Variants in AR observed in about 807,000 individuals in gnomAD.
The protein encoded by AR is dihydrotestosterone receptor.
AR carries 8 observed loss-of-function variants against 53.9 expected under a neutral mutation model. That is an observed-to-expected ratio of 0.15 (90% confidence interval 0.09 to 0.27). The LOEUF is 0.27. AR is among the 10% of genes least tolerant of loss of function. The pLI is 1.00. For missense variants in AR, 639 were observed against 742.5 expected, an observed-to-expected ratio of 0.86 and a Z score of 1.62; for synonymous variants, 359 against 316.4, an observed-to-expected ratio of 1.13 and a Z score of -1.43.
chrX:67,721,778 G>A, intron 5 of AR, 55 bp from the exon 6 acceptor site: 1 of 1,203,319 alleles, frequency 8.3e-7, no homozygotes, highest in Non-Finnish European at 1.1e-6. Context: ...CATTCCCTCT[G>A]GGCTTATTGT....
chrX:67,583,264 A>T (rs1922374529), intron 1 of AR, among the ~76,000 whole-genome samples: 1 of 112,174 alleles, frequency 8.9e-6, no homozygotes, highest in African/African-American at 3.2e-5. Flanking sequence ...CAAATGAAGC[A>T]TTTCAATAAA....
At chrX:67,555,597 A>G (rs1350735790) in intron 1 of AR, among the ~76,000 whole-genome samples, 1 of 112,392 alleles carries the variant, frequency 8.9e-6, no homozygotes. Flanking sequence ...CTAAGTTTCC[A>G]TTGATCCTGA....
At chrX:67,560,779 C>T (rs1921264338) in intron 1 of AR, among the ~76,000 whole-genome samples, 2 of 111,364 alleles carry the variant, frequency 1.8e-5, no homozygotes, top group African/African-American at 3.3e-5. Context: ...ATCCCTTTGA[C>T]CTTGAAGGCT....
At chrX:67,691,248 A>T (rs749425439) in intron 3 of AR, among the ~76,000 whole-genome samples, 5 of 112,206 alleles carry the variant, frequency 4.5e-5, no homozygotes, top group Non-Finnish European at 9.4e-5. Context: ...TATATGAAGA[A>T]GTACTGGTTT....
chrX:67,565,759 C>T (rs1432210791), intron 1 of AR, among the ~76,000 whole-genome samples: 1 of 111,527 alleles, frequency 9.0e-6, no homozygotes, highest in Non-Finnish European at 1.9e-5. Context: ...GTGGCAAGGT[C>T]TCGTCTCACT....
intron 1 of AR, among the ~76,000 whole-genome samples, chrX:67,581,009 G>A (rs933651093): frequency 1.8e-5 from 2 of 112,083 alleles, no homozygotes; most frequent in Non-Finnish European, 3.8e-5. Flanking sequence ...TGGGTTGGAC[G>A]TGAGAATCAT....
chrX:67,671,117 C>T (rs1265107943), intron 2 of AR, among the ~76,000 whole-genome samples: 1 of 111,895 alleles, frequency 8.9e-6, no homozygotes, highest in East Asian at 2.8e-4. Context: ...GGTATATACC[C>T]AGTAATGGGA....
At chrX:67,606,078 CATGAGT>C (rs1326859619) in intron 1 of AR, among the ~76,000 whole-genome samples, 1 of 110,740 alleles carries the variant, frequency 9.0e-6, no homozygotes, top group East Asian at 2.8e-4. Flanking sequence ...TCATAGTGTA[CATGAGT>C]ATAAGGTGCT....
At chrX:67,583,705 T>TA (rs772391092) in intron 1 of AR, among the ~76,000 whole-genome samples, 26 of 109,690 alleles carry the variant, frequency 2.4e-4, no homozygotes, top group Admixed American at 8.7e-4. Flanking sequence ...TCAACAACCA[T>TA]AAAAAAAAAC....
intron 1 of AR, among the ~76,000 whole-genome samples, chrX:67,616,711 A>G (rs1034666490): frequency 2.7e-5 from 3 of 111,505 alleles, no homozygotes; most frequent in Non-Finnish European, 5.7e-5. Flanking sequence ...TTCTTGGTTC[A>G]TTCATTCATT....
chrX:67,722,009 T>G (rs771881670), intron 6 of AR, 46 bp downstream of exon 6: 2 of 1,198,683 alleles, frequency 1.7e-6, no homozygotes, highest in Non-Finnish European at 2.3e-6. Context: ...GGCACAGAGA[T>G]TCAGAGAGGA....
Position 67,546,567 on chromosome X carries a change from A to G in AR, c.1421A>G (p.Glu474Gly), listed in dbSNP as rs1441671810. 1 of 969,301 alleles carries G rather than the reference A, an allele frequency of 1.0e-6. No individual in the cohort carries two copies. Among genetic ancestry groups the G allele is most frequent in the Admixed American group, 5.1e-5 (1 of 19,513 alleles). 79.9% of individuals were successfully genotyped at this position (969,301 alleles called of 1,213,427 possible). The change falls in exon 1 of 8, where the codon GAG becomes GGG. Residue 474 changes from glutamate to glycine, a missense_variant. Glu to Gly is a moderately conservative substitution (Grantham distance 98). Coordinates refer to ENST00000374690, the MANE Select transcript of AR (RefSeq NM_000044.6). ...GGGGGGGGGG[E>G]AGAVAPYGYT... ...GGCGGCGGCGGCGGCGGCGGCGGCG[A>G]GGCGGGAGCTGTAGCCCCCTACGGC...
In AR at chrX:67,730,149, A is replaced by T. The variant is rs1253974897; in HGVS notation, c.*6308A>T. ...GCAGACTATGTAAACAGAGATAAAA[A>T]TTAATTTTCAATATTGAAGGAAAAA... On this transcript the variant is annotated 3_prime_UTR_variant, in exon 8 of 8. Transcript: ENST00000374690. The T allele has an allele frequency of 6.9e-6, 1 of 145,559 alleles. No homozygotes were observed. Among genetic ancestry groups the T allele is most frequent in the Non-Finnish European group, 1.3e-5 (1 of 78,961 alleles). 12.0% of individuals were successfully genotyped at this position (145,559 alleles called of 1,213,427 possible).
chrX:67,550,737 C>A (rs1402098340), intron 1 of AR, among the ~76,000 whole-genome samples: 8 of 109,713 alleles, frequency 7.3e-5, no homozygotes, highest in East Asian at 2.9e-4. Flanking sequence ...CCCTACCCCC[C>A]ACCTCCACCA....
intron 1 of AR, among the ~76,000 whole-genome samples, chrX:67,604,560 G>A (rs1392100397): frequency 9.0e-6 from 1 of 110,994 alleles, no homozygotes; most frequent in Non-Finnish European, 1.9e-5. Context: ...AGCATTTATA[G>A]GATGGTAGGA....
At chrX:67,687,986 C>G (rs1162868331) in intron 3 of AR, among the ~76,000 whole-genome samples, 1 of 112,183 alleles carries the variant, frequency 8.9e-6, no homozygotes, top group Non-Finnish European at 1.9e-5. Context: ...ACTATATAAC[C>G]GTCAGATGCA....
In AR at chrX:67,587,138, G is replaced by A. The variant is rs778528896; in HGVS notation, c.1616+40376G>A. On this transcript the variant is annotated intron_variant, in intron 1 of 7. Transcript: ENST00000374690. ...TAGTAAGATCATACAGCTAGGAAGTGGGAGAGGCAAGAGTTGAACCCAGAT... is the reference window on the plus strand; with the variant it reads ...TAGTAAGATCATACAGCTAGGAAGTAGGAGAGGCAAGAGTTGAACCCAGAT... 4.5e-5 allele frequency among the ~76,000 whole-genome samples: 5 copies of A among 112,184 alleles called. No homozygotes were observed. In the South Asian group the frequency reaches 1.9e-3, roughly 42 times the overall value.
In AR at chrX:67,722,964, C is replaced by T. The variant is rs2147538261; in HGVS notation, c.2587C>T (p.Leu863Phe). 1 of 1,211,735 alleles carries T rather than the reference C, an allele frequency of 8.3e-7. No individual in the cohort carries two copies. Among genetic ancestry groups the T allele is most frequent in the Non-Finnish European group, 1.1e-6 (1 of 895,470 alleles). ...AAGACGCTTCTACCAGCTCACCAAGCTCCTGGACTCCGTGCAGCCTGTAAG... is the reference window on the plus strand; with the variant it reads ...AAGACGCTTCTACCAGCTCACCAAGTTCCTGGACTCCGTGCAGCCTGTAAG... The part of the protein sequence containing the change: ...CSRRFYQLTK[L>F]LDSVQPIARE... The change falls in exon 7 of 8, where the codon CTC becomes TTC. Residue 863 changes from leucine (L) to phenylalanine (F), a missense_variant. Coordinates refer to ENST00000374690, the MANE Select transcript of AR (RefSeq NM_000044.6).
intron 1 of AR, among the ~76,000 whole-genome samples, chrX:67,551,689 T>A (rs1030135868): frequency 8.9e-6 from 1 of 112,081 alleles, no homozygotes; most frequent in Non-Finnish European, 1.9e-5. Flanking sequence ...CTATGATATT[T>A]GTTTACCACG....
Sources: allele counts gnomAD v4.1 joint callset (sites outside exome capture counted in the v4.1 genomes callset), GRCh38; gene constraint gnomAD v4.1.1; transcripts MANE v1.5; gene names NCBI Gene and HGNC (gene_info 2026-07-23, HGNC 2026-07-21).